The following OSCP1 variants were observed in gnomAD, a reference collection of about 807,000 sequenced individuals.
The protein encoded by OSCP1 is protein OSCP1.
Under a neutral mutation model 45.1 loss-of-function variants are expected in OSCP1, and 35 were observed. The ratio of observed to expected loss-of-function variants is 0.78; its 90% CI spans 0.59 to 1.03. The LOEUF is 1.03. Among genes scored for constraint, OSCP1 ranks in the 50% least tolerant of loss-of-function variants. The pLI, the probability that OSCP1 is intolerant of heterozygous loss-of-function variation, is 0.00. For synonymous variants in OSCP1, 179 were observed against 180.1 expected (o/e 0.99, Z 0.05); for missense variants, 400 against 470.7 (o/e 0.85, Z 1.39).
intron 4 of OSCP1, among the ~76,000 whole-genome samples, chr1:36,425,505 C>G (rs1342734516): frequency 3.3e-5 from 5 of 151,934 alleles, no homozygotes; most frequent in Non-Finnish European, 7.4e-5. Flanking sequence ...GAGGCTGAGG[C>G]GGGAGGATCA....
chr1:36,423,580 A>C, intron 4 of OSCP1, 114 bp from the exon 5 acceptor site: 1 of 808,700 alleles, frequency 1.2e-6, no homozygotes, highest in Non-Finnish European at 1.9e-6. Flanking sequence ...GTTTATAACA[A>C]TAAGAAGGGA....
chr1:36,435,840 G>C lies in OSCP1; in HGVS notation c.267+2916C>G, dbSNP rs370155732. Among the ~76,000 whole-genome samples, 76 of 152,128 alleles carry C rather than the reference G, an allele frequency of 5.0e-4. 1 individual carries two copies. Among genetic ancestry groups the C allele is most frequent in the African/African-American group, 1.8e-3 (76 of 41,512 alleles). On this transcript the variant is annotated intron_variant, in intron 2 of 9. Coordinates refer to ENST00000235532, the MANE Select transcript of OSCP1 (RefSeq NM_145047.5). ...GTAGAGACGGGGTTTCACCATGTTG[G>C]CCAGGATGGTCTCGATCTCTTGACC...
intron 4 of OSCP1, among the ~76,000 whole-genome samples, chr1:36,430,013 G>C (rs536438476): frequency 6.6e-6 from 1 of 152,072 alleles, no homozygotes; most frequent in Non-Finnish European, 1.5e-5. Context: ...TGGCCAGGCT[G>C]GTCTCAAACT....
intron 2 of OSCP1, among the ~76,000 whole-genome samples, chr1:36,434,808 G>A (rs1648607853): frequency 6.6e-6 from 1 of 151,118 alleles, no homozygotes; most frequent in Admixed American, 6.6e-5. Flanking sequence ...GGAATAGCCT[G>A]GTGTGTGTGC....
In OSCP1 at chr1:36,439,246, TG is replaced by T. The variant is rs571712218; in HGVS notation, c.113-337del. ...TCTTTAAAAAAGATTACTGGCTGGGTGTGGTGGCTCACGCCTATAATCCCAG... is the reference window on the plus strand; with the variant it reads ...TCTTTAAAAAAGATTACTGGCTGGGTTGGTGGCTCACGCCTATAATCCCAG... On this transcript the variant is annotated intron_variant, in intron 1 of 9. Coordinates refer to ENST00000235532, the MANE Select transcript of OSCP1 (RefSeq NM_145047.5). Among the ~76,000 whole-genome samples, 905 of 152,244 alleles carry T rather than the reference TG, an allele frequency of 5.9e-3. 10 individuals are homozygous for T. The highest frequency in any genetic ancestry group is 0.021 in the African/African-American group (862 of 41,544).
rs773773589 is a variant in OSCP1, at chr1:36,418,173, C to T, written c.1106G>A (p.Gly369Glu). 4.3e-6 allele frequency: 7 copies of T among 1,614,048 alleles called. No individual in the cohort carries two copies. Among genetic ancestry groups the T allele is most frequent in the Non-Finnish European group, 5.1e-6 (6 of 1,180,034 alleles). ...ATCCATCATGGCGAGCAAATCGTCC[C>T]CTTTGCTGGTGCTCAGCCTTGGCTG... ...TEQPRLSTSK[G>E]DDLLAMMDEL Residue 369 changes from glycine to glutamate, a missense_variant, in exon 10 of 10, where the codon GGG (glycine) becomes GAG (glutamate). By Grantham distance (98) the Gly-to-Glu change is moderately conservative. Coordinates refer to ENST00000235532, the MANE Select transcript of OSCP1 (RefSeq NM_145047.5).
In OSCP1 at chr1:36,447,854, G is replaced by A. The variant is rs765943462; in HGVS notation, c.112+2404C>T. 14 of 449,856 alleles carry A rather than the reference G, an allele frequency of 3.1e-5. No homozygotes were observed. The highest frequency in any genetic ancestry group is 2.2e-4 in the South Asian group (14 of 64,162). The allele number at this position is 449,856 out of a possible 1,614,324, so 27.9% of individuals were successfully genotyped here. ...GAAGGGCTGCATCAGGCTCCATATAGTATCTCACATAGTGTTTGACACTCA... is the reference window on the plus strand; with the variant it reads ...GAAGGGCTGCATCAGGCTCCATATAATATCTCACATAGTGTTTGACACTCA... On this transcript the variant is annotated intron_variant, in intron 1 of 9. Coordinates refer to ENST00000235532, the MANE Select transcript of OSCP1 (RefSeq NM_145047.5). This position sits in a 1 kb window ranked among gnomAD's most constrained non-coding sequence, Gnocchi z 4.1.
intron 1 of OSCP1, among the ~76,000 whole-genome samples, chr1:36,446,315 G>A (rs1036569031): frequency 1.3e-5 from 2 of 152,334 alleles, no homozygotes; most frequent in East Asian, 1.9e-4. Context: ...GAGCCACTGC[G>A]CCCGGCCCCT....
In OSCP1 at chr1:36,422,677, C is replaced by A. The variant is rs189779830; in HGVS notation, c.749+91G>T. The A allele has an allele frequency of 9.2e-5, 118 of 1,285,870 alleles. No homozygotes were observed. In the African/African-American group the frequency reaches 1.7e-3, roughly 18 times the overall value. 79.7% of individuals were successfully genotyped at this position (1,285,870 alleles called of 1,614,324 possible). A position where few individuals can be genotyped will look rare whatever the true frequency, so the allele number is the denominator to read the frequency against. On this transcript the variant is annotated intron_variant, in intron 6 of 9. Transcript: ENST00000235532. Reference sequence around the variant, plus strand: ...TACTCCTATTGTCGGCAGGGATTTTCATAGCAGAAGTCTGGCTGTTTCTCT... The same window carrying A: ...TACTCCTATTGTCGGCAGGGATTTTAATAGCAGAAGTCTGGCTGTTTCTCT...
chr1:36,432,360 C>G lies in OSCP1; in HGVS notation c.435+62G>C, dbSNP rs1388175003. ...TCTCTCTGTCATAGATCTACCTGTT[C>G]TTAACAGAGGGATGAGAAAAAGTAC... is the stretch of plus-strand genomic sequence containing the variant. On this transcript the variant is annotated intron_variant, in intron 3 of 9. Coordinates refer to ENST00000235532, the MANE Select transcript of OSCP1 (RefSeq NM_145047.5). The G allele has an allele frequency of 1.9e-6, 3 of 1,562,942 alleles. No homozygotes were observed. In the African/African-American group the frequency reaches 4.1e-5, roughly 21 times the overall value.
At chr1:36,448,117 T>G (rs1375146746) in intron 1 of OSCP1, among the ~76,000 whole-genome samples, 5 of 152,236 alleles carry the variant, frequency 3.3e-5, no homozygotes, top group Non-Finnish European at 5.9e-5. Flanking sequence ...TTAACATATA[T>G]GTATTATTAC....
intron 1 of OSCP1, among the ~76,000 whole-genome samples, chr1:36,448,928 T>C (rs1649700489): frequency 6.6e-6 from 1 of 152,104 alleles, no homozygotes; most frequent in Admixed American, 6.6e-5. Flanking sequence ...AGGGGCAAGT[T>C]TGGACAGATA....
chr1:36,442,473 C>T (rs1649260852), intron 1 of OSCP1, among the ~76,000 whole-genome samples: 1 of 152,082 alleles, frequency 6.6e-6, no homozygotes, highest in South Asian at 2.1e-4. Flanking sequence ...AAGGGAGGGA[C>T]GGGTCAAAAA....
intron 3 of OSCP1, 97 bp downstream of exon 3, chr1:36,432,325 C>T (rs899050972): frequency 7.1e-7 from 1 of 1,414,560 alleles, no homozygotes; most frequent in Non-Finnish European, 9.7e-7. Context: ...TTTGCCATTC[C>T]TCATCCTGTT....
In OSCP1 at chr1:36,447,530, T is replaced by C. The variant is rs1354679162; in HGVS notation, c.112+2728A>G. On this transcript the variant is annotated intron_variant, in intron 1 of 9. Transcript: ENST00000235532. This position sits in a 1 kb window ranked among gnomAD's most constrained non-coding sequence, Gnocchi z 4.1. The stretch of plus-strand genomic sequence containing the variant: ...TGGTTATATGAGGGGACATTGGTTA[T>C]AGTAAGGGGACATTGGCTGAGTATG... Among the ~76,000 whole-genome samples, 1 of 152,154 alleles carries C rather than the reference T, an allele frequency of 6.6e-6. No individual in the cohort carries two copies. The highest frequency in any genetic ancestry group is 1.5e-5 in the Non-Finnish European group (1 of 68,022).
In OSCP1 at chr1:36,418,268, T is replaced by C; in HGVS notation, c.1024-13A>G. On this transcript the variant is annotated splice_polypyrimidine_tract_variant and intron_variant, in intron 9 of 9. Coordinates refer to ENST00000235532, the MANE Select transcript of OSCP1 (RefSeq NM_145047.5). Reference sequence around the variant, plus strand: ...TCCGTTGCTGGTCCTATGAGGGAAATGAGAGGTAAAAGGGCATGAAGAGGC... The same window carrying C: ...TCCGTTGCTGGTCCTATGAGGGAAACGAGAGGTAAAAGGGCATGAAGAGGC... The C allele has an allele frequency of 2.5e-6, 4 of 1,613,708 alleles. No individual in the cohort carries two copies. The highest frequency in any genetic ancestry group is 3.4e-6 in the Non-Finnish European group (4 of 1,179,708).
chr1:36,425,846 A>G (rs539580849), intron 4 of OSCP1, among the ~76,000 whole-genome samples: 51 of 152,266 alleles, frequency 3.3e-4, no homozygotes, highest in African/African-American at 1.2e-3. Flanking sequence ...CATAAAATGG[A>G]GAAAATAACA....
chr1:36,450,409 T>C lies in OSCP1; in HGVS notation c.-40A>G. The C allele has an allele frequency of 1.9e-6, 3 of 1,555,652 alleles. No individual in the cohort carries two copies. Among genetic ancestry groups the C allele is most frequent in the Non-Finnish European group, 2.7e-6 (3 of 1,129,146 alleles). ...GCTGGACTGGTGAAGAGCCCCGGGGTTCGGTAGCCAGTGGCCTGAAGGCCA... is the reference window on the plus strand; with the variant it reads ...GCTGGACTGGTGAAGAGCCCCGGGGCTCGGTAGCCAGTGGCCTGAAGGCCA... On this transcript the variant is annotated 5_prime_UTR_variant, in exon 1 of 10. Coordinates refer to ENST00000235532, the MANE Select transcript of OSCP1 (RefSeq NM_145047.5).
intron 4 of OSCP1, among the ~76,000 whole-genome samples, chr1:36,426,986 G>A (rs1648002944): frequency 6.7e-6 from 1 of 150,208 alleles, no homozygotes; most frequent in Non-Finnish European, 1.5e-5. Flanking sequence ...GATTACAGGT[G>A]TGTGCCATGG....
Sources: allele counts gnomAD v4.1 joint callset (sites outside exome capture counted in the v4.1 genomes callset), GRCh38; gene constraint gnomAD v4.1.1; non-coding constraint Gnocchi (gnomAD v3.1); transcripts MANE v1.5; gene names NCBI Gene and HGNC (gene_info 2026-07-23, HGNC 2026-07-21).